Variants in SPAST observed in about 807,000 individuals in gnomAD.
The protein encoded by SPAST is spastin.
SPAST carries 30 observed loss-of-function variants against 76.6 expected under a neutral mutation model. The observed-to-expected ratio is 0.39, with a 90% CI of 0.29 to 0.53. The LOEUF (loss-of-function observed/expected upper bound fraction) is 0.53, where lower values mean the gene tolerates loss of function less well. SPAST is among the 20% of genes least tolerant of loss of function. The probability of loss-of-function intolerance (pLI) is 0.68; values close to 1 mark genes in which losing one functional copy is unlikely to be tolerated. For synonymous variants in SPAST, 305 were observed against 281.0 expected (o/e 1.09, Z -0.86); for missense variants, 717 against 770.5 (o/e 0.93, Z 0.82).
chr2:32,136,027 G>A (rs189551469), intron 9 of SPAST, among the ~76,000 whole-genome samples: 21 of 149,916 alleles, frequency 1.4e-4, no homozygotes, highest in African/African-American at 7.4e-5. Flanking sequence ...ACAGTGAGCC[G>A]AGATTGCACC....
chr2:32,063,957 C>T lies in SPAST; in HGVS notation c.126C>T (p.Pro42=), dbSNP rs755151658. 5 of 1,611,636 alleles carry T rather than the reference C, an allele frequency of 3.1e-6. No individual in the cohort carries two copies. Among genetic ancestry groups the T allele is most frequent in the East Asian group, 2.2e-5 (1 of 44,800 alleles). ...CCGCCGCCGGGCCGGCCCCTCCGCC[C>T]GAGTCGCCGCATAAGCGGAACCTGT... is the stretch of plus-strand genomic sequence containing the variant. ...APPAAGPAPP[P]ESPHKRNLYY... is the part of the protein sequence containing the mutation. Residue 42 remains proline (P), a synonymous_variant, in exon 1 of 17, where the codon CCC becomes CCT. Coordinates refer to ENST00000315285, the MANE Select transcript of SPAST (RefSeq NM_014946.4).
At position 32,128,480 on chromosome 2, in the gene SPAST, G is replaced by C. The variant is rs875989878; in HGVS notation, c.1245+1G>C. ...TGCTGCAAGTTTAACTTCAAAATAC[G>C]TGAGTGCTCTGTTTCCAATATTGTC... On this transcript the variant is annotated splice_donor_variant, in intron 9 of 16. Transcript: ENST00000315285. LOFTEE classifies it high-confidence loss of function. 6.3e-7 allele frequency: 1 copy of C among 1,587,146 alleles called. No homozygotes were observed. The highest frequency in any genetic ancestry group is 8.7e-7 in the Non-Finnish European group (1 of 1,155,628).
At chr2:32,108,392 C>T (rs1678404931) in intron 4 of SPAST, among the ~76,000 whole-genome samples, 1 of 152,094 alleles carries the variant, frequency 6.6e-6, no homozygotes, top group Non-Finnish European at 1.5e-5. Context: ...ATATACAATG[C>T]TTTAACTCTT....
At chr2:32,104,686 G>T (rs374787545) in intron 4 of SPAST, among the ~76,000 whole-genome samples, 1 of 152,078 alleles carries the variant, frequency 6.6e-6, no homozygotes, top group Non-Finnish European at 1.5e-5. Flanking sequence ...GTCTTTAAAG[G>T]ATTTTATTTC....
At chr2:32,132,249 G>A (rs1292625322) in intron 9 of SPAST, among the ~76,000 whole-genome samples, 2 of 152,048 alleles carry the variant, frequency 1.3e-5, no homozygotes, top group Non-Finnish European at 2.9e-5. Flanking sequence ...AAATTAGTCG[G>A]GCGTGGTGGC....
Position 32,115,696 on chromosome 2 carries a change from T to C in SPAST, c.871-6T>C. 6.2e-7 allele frequency: 1 copy of C among 1,602,070 alleles called. No individual in the cohort carries two copies. The highest frequency in any genetic ancestry group is 8.5e-7 in the Non-Finnish European group (1 of 1,170,150). On this transcript the variant is annotated splice_polypyrimidine_tract_variant and splice_region_variant and intron_variant, in intron 5 of 16. Coordinates refer to ENST00000315285, the MANE Select transcript of SPAST (RefSeq NM_014946.4). ...ATTTTCATATTAAAATTTTGTATCC[T>C]TTAAGGGTACTCCGAAAACAAATAG...
intron 1 of SPAST, among the ~76,000 whole-genome samples, chr2:32,077,079 T>C (rs559639284): frequency 6.6e-6 from 1 of 152,270 alleles, no homozygotes; most frequent in African/African-American, 2.4e-5. Context: ...TTTCACCATC[T>C]TGGCCAGGCT....
At chr2:32,154,321 C>T in intron 16 of SPAST, 53 bp from the exon 17 acceptor site, 4 of 1,528,458 alleles carry the variant, frequency 2.6e-6, no homozygotes, top group Non-Finnish European at 3.6e-6. Flanking sequence ...ATTTCGTTAA[C>T]CACCATATAC....
At chr2:32,079,625 A>G (rs1290215075) in intron 1 of SPAST, among the ~76,000 whole-genome samples, 2 of 145,078 alleles carry the variant, frequency 1.4e-5, no homozygotes, top group Admixed American at 1.4e-4. Context: ...CAGTAGCACA[A>G]TCAACTCACT....
At chr2:32,084,354 CAG>C (rs1341285259) in intron 1 of SPAST, among the ~76,000 whole-genome samples, 2 of 150,742 alleles carry the variant, frequency 1.3e-5, no homozygotes, top group Non-Finnish European at 3.0e-5. Flanking sequence ...TTAGTAGAGA[CAG>C]GGTTTCACTG....
chr2:32,083,759 TATATATATATA>T (rs1558620167), intron 1 of SPAST, among the ~76,000 whole-genome samples: 25 of 91,146 alleles, frequency 2.7e-4, no homozygotes, highest in African/African-American at 1.1e-3. Flanking sequence ...ACTATATATA[TATATATATATA>T]TATATATTTT....
At chr2:32,120,068 G>T (rs1678966784) in intron 7 of SPAST, among the ~76,000 whole-genome samples, 1 of 150,752 alleles carries the variant, frequency 6.6e-6, no homozygotes, top group Non-Finnish European at 1.5e-5. Flanking sequence ...GTGTTCTCCA[G>T]CGTGGCCTTA....
intron 9 of SPAST, among the ~76,000 whole-genome samples, chr2:32,134,526 A>G (rs746967184): frequency 1.3e-5 from 2 of 148,830 alleles, no homozygotes; most frequent in Non-Finnish European, 3.0e-5. Context: ...CTGGTCTCAA[A>G]CTTCTGGGCT....
intron 2 of SPAST, among the ~76,000 whole-genome samples, chr2:32,089,122 T>C (rs469462): frequency 0.023 from 3,451 of 151,974 alleles, 56 homozygotes; most frequent in African/African-American, 0.048. Context: ...AATGCTGTGA[T>C]GTGGTCACCT....
At chr2:32,098,117 T>G (rs1277177342) in intron 3 of SPAST, among the ~76,000 whole-genome samples, 4 of 152,170 alleles carry the variant, frequency 2.6e-5, no homozygotes, top group African/African-American at 7.2e-5. Context: ...AGTTTTATTA[T>G]AAGTTGCTAA....
rs1162493574 is a variant in SPAST, at chr2:32,114,677, A to G, written c.722A>G (p.His241Arg). ...AVPKRKDPLT[H>R]TSNSLPRSKT... ...CCAAAAAGAAAAGACCCCTTAACAC[A>G]CACTAGTAATTCACTGCCTCGTTCA... The change falls in exon 5 of 17, where the codon CAC becomes CGC. Residue 241 changes from histidine to arginine, a missense_variant. His to Arg is a conservative substitution (Grantham distance 29). Transcript: ENST00000315285. 5 of 1,614,040 alleles carry G rather than the reference A, an allele frequency of 3.1e-6. No homozygotes were observed. Among genetic ancestry groups the G allele is most frequent in the African/African-American group, 2.7e-5 (2 of 74,918 alleles).
intron 3 of SPAST, among the ~76,000 whole-genome samples, chr2:32,091,390 C>T (rs561714121): frequency 1.9e-4 from 28 of 150,704 alleles, no homozygotes; most frequent in African/African-American, 4.1e-4. Context: ...AAACTATTCT[C>T]GTGATTCAGT....
chr2:32,073,184 A>G (rs755019937), intron 1 of SPAST, among the ~76,000 whole-genome samples: 11 of 152,228 alleles, frequency 7.2e-5, no homozygotes, highest in Non-Finnish European at 1.5e-5. Flanking sequence ...GATAGTTAGT[A>G]AATGGATATT....
intron 1 of SPAST, among the ~76,000 whole-genome samples, chr2:32,076,014 C>T (rs1380415538): frequency 6.7e-6 from 1 of 149,762 alleles, no homozygotes. Context: ...GATTCTCCTG[C>T]CTCAGCCTCT....
Sources: gnomAD v4.1 joint callset for allele counts (sites outside exome capture counted in the v4.1 genomes callset) on GRCh38, gnomAD v4.1.1 for gene constraint, MANE v1.5 for transcripts, NCBI Gene and HGNC (gene_info 2026-07-23, HGNC 2026-07-21) for gene names.